FGD6: variants seen among roughly 807,000 people sequenced by gnomAD.
FGD6 encodes the protein FYVE, RhoGEF and PH domain-containing protein 6.
Under a neutral mutation model 149.4 loss-of-function variants are expected in FGD6, and 90 were observed. The ratio of observed to expected loss-of-function variants is 0.60; its 90% CI spans 0.51 to 0.72. FGD6 has a LOEUF of 0.72. Among genes scored for constraint, FGD6 ranks in the 30% least tolerant of loss-of-function variants. FGD6 has a pLI of 0.00. For synonymous variants in FGD6, 527 were observed against 584.0 expected (o/e 0.90, Z 1.41); for missense variants, 1,437 against 1,684.8 (o/e 0.85, Z 2.57).
chr12:95,084,698 C>T (rs763278168), intron 19 of FGD6, 52 bp from the exon 20 acceptor site: 13 of 1,476,828 alleles, frequency 8.8e-6, no homozygotes, highest in Non-Finnish European at 1.2e-5. Context: ...AGACAAAATT[C>T]AGATTTGAAA....
intron 8 of FGD6, among the ~76,000 whole-genome samples, chr12:95,134,034 T>C (rs1020684021): frequency 7.2e-5 from 11 of 152,200 alleles, no homozygotes; most frequent in African/African-American, 2.2e-4. Context: ...TAGTAGAAGA[T>C]AGACTATTAT....
At chr12:95,139,907 G>C (rs1224859528) in intron 6 of FGD6, among the ~76,000 whole-genome samples, 2 of 152,102 alleles carry the variant, frequency 1.3e-5, no homozygotes, top group Non-Finnish European at 2.9e-5. Context: ...AAAGTGCTGG[G>C]ATTACAGGCA....
At position 95,141,489 on chromosome 12, in the gene FGD6, C is replaced by T; in HGVS notation, c.2736G>A (p.Val912=). 1.2e-6 allele frequency: 2 copies of T among 1,614,130 alleles called. No homozygotes were observed. Among genetic ancestry groups the T allele is most frequent in the Admixed American group, 1.7e-5 (1 of 60,008 alleles). Residue 912 remains valine (V), a synonymous_variant, in exon 6 of 21, where the codon GTG becomes GTA. Coordinates refer to ENST00000343958, the MANE Select transcript of FGD6 (RefSeq NM_018351.4). ...AHASRQLGKP[V]IEDRILNQIL... is the part of the protein sequence containing the mutation. The stretch of plus-strand genomic sequence containing the variant: ...TCTGATTTAGAATCCGGTCCTCAAT[C>T]ACTGGTTTCCCAAGTTGCCTGGAAG...
At chr12:95,204,708 G>A (rs201340064) in intron 2 of FGD6, among the ~76,000 whole-genome samples, 19 of 128,140 alleles carry the variant, frequency 1.5e-4, no homozygotes, top group East Asian at 2.2e-4. Flanking sequence ...GTGCATGCAC[G>A]CGCACACACA....
chr12:95,162,443 C>T (rs1880672889), intron 3 of FGD6, among the ~76,000 whole-genome samples: 1 of 152,152 alleles, frequency 6.6e-6, no homozygotes, highest in Admixed American at 6.5e-5. Flanking sequence ...ATGAGAGTCA[C>T]TTAAACCTGA....
chr12:95,167,617 C>A (rs1390899434), intron 3 of FGD6, among the ~76,000 whole-genome samples: 1 of 150,978 alleles, frequency 6.6e-6, no homozygotes, highest in African/African-American at 2.4e-5. Flanking sequence ...CTCTGTCACC[C>A]AGGTTGGACT....
At chr12:95,088,658 T>C (rs1413099627) in intron 18 of FGD6, among the ~76,000 whole-genome samples, 11 of 152,176 alleles carry the variant, frequency 7.2e-5, no homozygotes, top group African/African-American at 2.4e-4. Flanking sequence ...TAATTCGTAA[T>C]AGCCAAAAGG....
chr12:95,131,698 C>T (rs1404873566), intron 8 of FGD6, among the ~76,000 whole-genome samples: 3 of 152,118 alleles, frequency 2.0e-5, no homozygotes, highest in East Asian at 1.9e-4. Context: ...GTCCTGATTT[C>T]GTGGCCTTGA....
intron 8 of FGD6, among the ~76,000 whole-genome samples, chr12:95,125,165 CAAA>C (rs558950459): frequency 6.6e-6 from 1 of 151,856 alleles, no homozygotes; most frequent in African/African-American, 2.4e-5. Flanking sequence ...AATCTAGGCA[CAAA>C]AAAATTTAAG....
chr12:95,088,142 A>G (rs1781907819), intron 18 of FGD6, among the ~76,000 whole-genome samples: 1 of 152,224 alleles, frequency 6.6e-6, no homozygotes, highest in African/African-American at 2.4e-5. Context: ...GACTAGACCT[A>G]TATTTTCAAA....
intron 3 of FGD6, among the ~76,000 whole-genome samples, chr12:95,165,209 A>T (rs1880769522): frequency 6.6e-6 from 1 of 152,228 alleles, no homozygotes. Flanking sequence ...TAGTAGAGAC[A>T]GATTGGGTTA....
At chr12:95,168,931 A>G (rs1195332150) in intron 3 of FGD6, among the ~76,000 whole-genome samples, 3 of 152,202 alleles carry the variant, frequency 2.0e-5, no homozygotes, top group Non-Finnish European at 4.4e-5. Context: ...TATGAAAGCA[A>G]ATTACTTAAG....
intron 2 of FGD6, among the ~76,000 whole-genome samples, chr12:95,190,790 C>A (rs1015186150): frequency 2.6e-5 from 4 of 152,150 alleles, no homozygotes; most frequent in African/African-American, 9.7e-5. Context: ...GTGGCTCACA[C>A]CTGTAACCCC....
intron 18 of FGD6, among the ~76,000 whole-genome samples, chr12:95,088,967 G>A (rs895707169): frequency 1.3e-5 from 2 of 152,292 alleles, no homozygotes; most frequent in South Asian, 2.1e-4. Flanking sequence ...AGCACAGGCG[G>A]ACCTCACTAA....
chr12:95,114,412 C>T (rs1241933222), intron 8 of FGD6, among the ~76,000 whole-genome samples: 1 of 149,026 alleles, frequency 6.7e-6, no homozygotes, highest in Non-Finnish European at 1.5e-5. Context: ...TCAAGACCAG[C>T]ATGGCCAACA....
intron 2 of FGD6, among the ~76,000 whole-genome samples, chr12:95,187,630 T>C (rs941881766): frequency 4.9e-4 from 72 of 145,962 alleles, no homozygotes; most frequent in African/African-American, 1.8e-3. Context: ...CCAGCCTGGG[T>C]GACTGAGCGA....
In FGD6 at chr12:95,096,699, G is replaced by T. The variant is rs1878242104; in HGVS notation, c.3498-2005C>A. Reference sequence around the variant, plus strand: ...CATCACCCACCTTCACCATTTACAGGTAAGGAAACTGAGAATTAGTAATGT... The same window carrying T: ...CATCACCCACCTTCACCATTTACAGTTAAGGAAACTGAGAATTAGTAATGT... On this transcript the variant is annotated intron_variant, in intron 14 of 20. Coordinates refer to ENST00000343958, the MANE Select transcript of FGD6 (RefSeq NM_018351.4). Among the ~76,000 whole-genome samples the T allele has an allele frequency of 5.3e-5, 8 of 152,126 alleles. No homozygotes were observed. In the South Asian group the frequency reaches 1.7e-3, roughly 31 times the overall value.
chr12:95,172,035 A>AG (rs776447160), intron 3 of FGD6, among the ~76,000 whole-genome samples: 5,568 of 35,678 alleles, frequency 0.16, 198 homozygotes, highest in Non-Finnish European at 0.19. Flanking sequence ...AACAATTCTA[A>AG]GGGGGGGGGG....
At chr12:95,164,440 T>C (rs573447777) in intron 3 of FGD6, among the ~76,000 whole-genome samples, 1 of 152,132 alleles carries the variant, frequency 6.6e-6, no homozygotes, top group East Asian at 1.9e-4. Context: ...TCCATTCCTT[T>C]TTTTTTTGAG....
Sources: allele counts gnomAD v4.1 joint callset (sites outside exome capture counted in the v4.1 genomes callset), GRCh38; gene constraint gnomAD v4.1.1; transcripts MANE v1.5; gene names NCBI Gene and HGNC (gene_info 2026-07-23, HGNC 2026-07-21).